Variants in LRRC37A2 observed in about 807,000 individuals in gnomAD.
The protein encoded by LRRC37A2 is leucine-rich repeat-containing protein 37A2.
Under a neutral mutation model 68.8 loss-of-function variants are expected in LRRC37A2, and 9 were observed. The observed-to-expected ratio is 0.13, with a 90% CI of 0.08 to 0.23. The LOEUF (loss-of-function observed/expected upper bound fraction) is 0.23. LRRC37A2 is among the 10% of genes least tolerant of loss of function. The probability of loss-of-function intolerance (pLI) is 1.00; values close to 1 mark genes in which losing one functional copy is unlikely to be tolerated. For missense variants in LRRC37A2, 168 were observed against 950.4 expected (o/e 0.18, Z 10.82); for synonymous variants, 63 against 367.6 (o/e 0.17, Z 9.48).
chr17:46,729,795 C>T, the LRRC37A2 span, among the ~76,000 whole-genome samples: 1 of 152,074 alleles, frequency 6.6e-6, no homozygotes, highest in African/African-American at 2.4e-5. Flanking sequence ...TTTAATTTAA[C>T]AGTTATATAT....
the LRRC37A2 span, among the ~76,000 whole-genome samples, chr17:47,000,076 AAAAATAAAATAAAATAAAAT>A: frequency 1.2e-3 from 31 of 25,538 alleles, 4 homozygotes; most frequent in South Asian, 5.1e-3. Flanking sequence ...AAATAAAATA[AAAAATAAAATAAAATAAAAT>A]AAAATAAAAT....
chr17:46,763,075 G>A, the LRRC37A2 span: 2 of 152,074 alleles, frequency 1.3e-5, no homozygotes, highest in Non-Finnish European at 2.9e-5. Flanking sequence ...AAGTGAAGGC[G>A]GGCTCCTGGA....
chr17:46,766,438 A>G, the LRRC37A2 span, among the ~76,000 whole-genome samples: 6 of 151,132 alleles, frequency 4.0e-5, no homozygotes, highest in Admixed American at 6.6e-5. Flanking sequence ...CTGGGCTCCC[A>G]TTGTCACCAC....
chr17:46,840,558 A>G, the LRRC37A2 span, among the ~76,000 whole-genome samples: 1 of 152,242 alleles, frequency 6.6e-6, no homozygotes, highest in Non-Finnish European at 1.5e-5. Flanking sequence ...TGATATTGCT[A>G]GTTCTAGATC....
chr17:46,951,668 A>G, the LRRC37A2 span, among the ~76,000 whole-genome samples: 1 of 152,160 alleles, frequency 6.6e-6, no homozygotes, highest in Non-Finnish European at 1.5e-5. Flanking sequence ...CCCTCTGCAC[A>G]ACCTCCCAGG....
At chr17:46,768,211 G>A in the LRRC37A2 span, 2 of 1,536,600 alleles carry the variant, frequency 1.3e-6, no homozygotes, top group African/African-American at 1.4e-5. This position sits in a 1 kb window ranked among gnomAD's most constrained non-coding sequence, Gnocchi z 5.0. Context: ...GTCTTGGATA[G>A]CTTAGAAACA....
chr17:46,975,685 G>A, the LRRC37A2 span, among the ~76,000 whole-genome samples: 1 of 152,128 alleles, frequency 6.6e-6, no homozygotes, highest in Non-Finnish European at 1.5e-5. Flanking sequence ...GCTTGTGTGA[G>A]CATACACTCA....
At chr17:46,865,112 G>A in the LRRC37A2 span, among the ~76,000 whole-genome samples, 2 of 152,198 alleles carry the variant, frequency 1.3e-5, no homozygotes, top group Non-Finnish European at 2.9e-5. Flanking sequence ...CAGGGACAAA[G>A]GCTTCCTCTC....
chr17:46,729,000 T>A, the LRRC37A2 span: 1 of 980,502 alleles, frequency 1.0e-6, no homozygotes, highest in Non-Finnish European at 1.5e-6. Flanking sequence ...CATATAATGA[T>A]ACAATCTTTA....
the LRRC37A2 span, among the ~76,000 whole-genome samples, chr17:46,902,938 G>GGCAGTGCTAGCC: frequency 6.6e-6 from 1 of 152,194 alleles, no homozygotes; most frequent in Non-Finnish European, 1.5e-5. Context: ...AATGACAGTT[G>GGCAGTGCTAGCC]AAGGGAAGTT....
chr17:46,454,549 CT>C, the LRRC37A2 span, among the ~76,000 whole-genome samples: 1,250 of 6,532 alleles, frequency 0.19, 3 homozygotes, highest in Middle Eastern at 0.32. Context: ...GAGGTGAAGT[CT>C]TTTTTTTTTT....
chr17:47,007,807 A>G, the LRRC37A2 span: 1 of 152,234 alleles, frequency 6.6e-6, no homozygotes, highest in East Asian at 1.9e-4. Flanking sequence ...TGCAAAAATA[A>G]TAATAAAGCG....
the LRRC37A2 span, among the ~76,000 whole-genome samples, chr17:46,957,118 G>A: frequency 2.6e-5 from 4 of 152,138 alleles, no homozygotes; most frequent in African/African-American, 9.7e-5. Flanking sequence ...AAACCATCCT[G>A]GGTGACATGG....
the LRRC37A2 span, among the ~76,000 whole-genome samples, chr17:46,742,507 T>G: frequency 6.6e-6 from 1 of 152,184 alleles, no homozygotes; most frequent in South Asian, 2.1e-4. Flanking sequence ...AGAAATACAG[T>G]AAATATAGTA....
At chr17:47,033,324 T>C in the LRRC37A2 span, 1 of 699,768 alleles carries the variant, frequency 1.4e-6, no homozygotes, top group Admixed American at 2.0e-5. Context: ...ATTTACGTGA[T>C]GCAGTCCGAG....
chr17:46,810,107 A>G, the LRRC37A2 span, among the ~76,000 whole-genome samples: 1 of 150,860 alleles, frequency 6.6e-6, no homozygotes, highest in Non-Finnish European at 1.5e-5. Context: ...CCCAGGTTCA[A>G]GCGATTCTCC....
the LRRC37A2 span, among the ~76,000 whole-genome samples, chr17:46,945,689 C>T: frequency 1.3e-5 from 2 of 152,182 alleles, no homozygotes; most frequent in African/African-American, 4.8e-5. Flanking sequence ...CTTGGCCCTG[C>T]TCACCTCCTG....
the LRRC37A2 span, among the ~76,000 whole-genome samples, chr17:46,778,121 G>A: frequency 6.6e-6 from 1 of 152,212 alleles, no homozygotes; most frequent in African/African-American, 2.4e-5. Flanking sequence ...TATGGTTACG[G>A]TGTGTGTGGA....
At chr17:46,922,814 C>T in the LRRC37A2 span, 3 of 261,534 alleles carry the variant, frequency 1.1e-5, no homozygotes, top group South Asian at 6.4e-5. Flanking sequence ...CAAGAACCTC[C>T]AGTCCTCTCT....
Sources: allele counts gnomAD v4.1 joint callset (sites outside exome capture counted in the v4.1 genomes callset), GRCh38; gene constraint gnomAD v4.1.1; non-coding constraint Gnocchi (gnomAD v3.1); transcripts MANE v1.5; gene names NCBI Gene and HGNC (gene_info 2026-07-23, HGNC 2026-07-21).